Variants in CNTN5 observed in about 807,000 individuals in gnomAD.
CNTN5 encodes the protein contactin-5.
CNTN5 carries 77 observed loss-of-function variants against 129.1 expected under a neutral mutation model. The observed-to-expected ratio is 0.60, with a 90% CI of 0.50 to 0.72. The LOEUF is 0.72. Among genes scored for constraint, CNTN5 ranks in the 30% least tolerant of loss-of-function variants. The pLI is 0.00. For missense variants in CNTN5, 1,478 were observed against 1,328.8 expected, an observed-to-expected ratio of 1.11 and a Z score of -1.75; for synonymous variants, 509 against 465.6, an observed-to-expected ratio of 1.09 and a Z score of -1.20.
chr11:100,246,899 T>A (rs1460708173), intron 16 of CNTN5, among the ~76,000 whole-genome samples: 3 of 152,144 alleles, frequency 2.0e-5, no homozygotes, highest in Non-Finnish European at 4.4e-5. Flanking sequence ...CCATGCACTG[T>A]CCCCTAGGAC....
intron 23 of CNTN5, among the ~76,000 whole-genome samples, chr11:100,342,925 A>C (rs1246119627): frequency 6.6e-6 from 1 of 152,118 alleles, no homozygotes; most frequent in African/African-American, 2.4e-5. Context: ...AAACTTTATC[A>C]GTTTTATTTT....
chr11:99,037,721 A>T (rs1360825747), intron 1 of CNTN5, among the ~76,000 whole-genome samples: 1 of 151,148 alleles, frequency 6.6e-6, no homozygotes, highest in Non-Finnish European at 1.5e-5. Flanking sequence ...CTGGGATTAC[A>T]AGCACGCCCC....
intron 3 of CNTN5, among the ~76,000 whole-genome samples, chr11:99,690,571 A>AT (rs1432502703): frequency 6.6e-6 from 1 of 151,344 alleles, no homozygotes; most frequent in African/African-American, 2.5e-5. Context: ...CAGTTCGGCC[A>AT]TTTTAAAAAA....
intron 4 of CNTN5, among the ~76,000 whole-genome samples, chr11:99,836,765 T>A (rs558726361): frequency 6.5e-4 from 99 of 152,318 alleles, no homozygotes; most frequent in African/African-American, 2.2e-3. Flanking sequence ...ACCAACAGTG[T>A]AAAAGCATTC....
intron 2 of CNTN5, among the ~76,000 whole-genome samples, chr11:99,403,771 A>C (rs2136217919): frequency 6.6e-6 from 1 of 152,304 alleles, no homozygotes; most frequent in South Asian, 2.1e-4. Context: ...TTTGTGACTT[A>C]ACATATGGGC....
At chr11:100,275,398 A>G (rs1408006549) in intron 18 of CNTN5, among the ~76,000 whole-genome samples, 1 of 152,348 alleles carries the variant, frequency 6.6e-6, no homozygotes, top group East Asian at 1.9e-4. Context: ...TTATGCTCAC[A>G]TATTTTCTAA....
At chr11:100,098,176 G>A (rs1209400252) in intron 13 of CNTN5, among the ~76,000 whole-genome samples, 1 of 151,586 alleles carries the variant, frequency 6.6e-6, no homozygotes, top group Non-Finnish European at 1.5e-5. Context: ...AATTACCCAG[G>A]GACATCTCAA....
At chr11:100,159,487 T>TA (rs900319827) in intron 13 of CNTN5, among the ~76,000 whole-genome samples, 32 of 151,198 alleles carry the variant, frequency 2.1e-4, no homozygotes, top group Non-Finnish European at 3.7e-4. Flanking sequence ...TGTTGAGCTT[T>TA]AAAAAAAAAT....
At chr11:100,017,525 A>G (rs1049890260) in intron 9 of CNTN5, among the ~76,000 whole-genome samples, 1 of 152,006 alleles carries the variant, frequency 6.6e-6, no homozygotes, top group African/African-American at 2.4e-5. Context: ...CTAGAGTAAG[A>G]TAGACTAAAA....
At chr11:99,379,607 T>G (rs553655553) in intron 2 of CNTN5, among the ~76,000 whole-genome samples, 1 of 152,300 alleles carries the variant, frequency 6.6e-6, no homozygotes, top group Non-Finnish European at 1.5e-5. Flanking sequence ...TTTTAAAGTT[T>G]TAATAAACTG....
intron 2 of CNTN5, among the ~76,000 whole-genome samples, chr11:99,348,767 T>A (rs1264170943): frequency 6.6e-6 from 1 of 152,220 alleles, no homozygotes; most frequent in African/African-American, 2.4e-5. Flanking sequence ...GTAAGATCTG[T>A]GGTTTTAAAT....
chr11:100,128,145 A>G (rs928746543), intron 13 of CNTN5, among the ~76,000 whole-genome samples: 4 of 152,068 alleles, frequency 2.6e-5, no homozygotes, highest in Non-Finnish European at 5.9e-5. Context: ...CCAATTGCCT[A>G]CTGAACATCT....
chr11:100,033,153 AT>A (rs1248966813), intron 9 of CNTN5, among the ~76,000 whole-genome samples: 3 of 152,188 alleles, frequency 2.0e-5, no homozygotes, highest in African/African-American at 7.2e-5. Context: ...TTTTAAAGTA[AT>A]AAAATGTAAT....
At chr11:99,399,512 C>T (rs992485615) in intron 2 of CNTN5, among the ~76,000 whole-genome samples, 127 of 151,768 alleles carry the variant, frequency 8.4e-4, no homozygotes, top group African/African-American at 3.0e-3. Context: ...TTCTTTATGA[C>T]TACCTCACAC....
At chr11:99,253,901 A>ATATG (rs1048206337) in intron 1 of CNTN5, among the ~76,000 whole-genome samples, 1 of 102,114 alleles carries the variant, frequency 9.8e-6, no homozygotes, top group Non-Finnish European at 2.0e-5. Context: ...ATACGTTTAT[A>ATATG]TATATATATA....
chr11:100,187,548 A>G (rs954041420), intron 13 of CNTN5, among the ~76,000 whole-genome samples: 2 of 152,168 alleles, frequency 1.3e-5, no homozygotes, highest in Non-Finnish European at 2.9e-5. Context: ...AAACTATAGT[A>G]TAAGGTTACA....
At chr11:100,331,842 T>G (rs1481707342) in intron 21 of CNTN5, among the ~76,000 whole-genome samples, 1 of 151,852 alleles carries the variant, frequency 6.6e-6, no homozygotes, top group Non-Finnish European at 1.5e-5. Flanking sequence ...AACTAAGAGA[T>G]AAGAAGAAAG....
chr11:99,928,406 C>T (rs1259961753), intron 7 of CNTN5, among the ~76,000 whole-genome samples: 3 of 152,198 alleles, frequency 2.0e-5, no homozygotes, highest in Non-Finnish European at 2.9e-5. Flanking sequence ...CAGAGGTTCT[C>T]CACGAGGGCT....
At chr11:99,942,610 T>C (rs542696203) in intron 7 of CNTN5, among the ~76,000 whole-genome samples, 46 of 152,168 alleles carry the variant, frequency 3.0e-4, no homozygotes, top group African/African-American at 1.1e-3. Flanking sequence ...GCTGCACCTA[T>C]AACCCATAAT....
Sources: gnomAD v4.1 joint callset for allele counts (sites outside exome capture counted in the v4.1 genomes callset) on GRCh38, gnomAD v4.1.1 for gene constraint, MANE v1.5 for transcripts, NCBI Gene and HGNC (gene_info 2026-07-23, HGNC 2026-07-21) for gene names.